The following TRAK1 variants were observed in gnomAD, a reference collection of about 807,000 sequenced individuals.
TRAK1 encodes trafficking kinesin protein 1, also known as trafficking kinesin-binding protein 1.
A neutral mutation model predicts 92.1 loss-of-function variants in TRAK1; 33 were observed. The observed-to-expected ratio is 0.36, with a 90% CI of 0.27 to 0.48. The LOEUF is 0.48. Ranked by LOEUF, TRAK1 falls within the 20% of genes least tolerant of loss-of-function variation. The pLI, the probability that TRAK1 is intolerant of heterozygous loss-of-function variation, is 0.99. For synonymous variants in TRAK1, 521 were observed against 517.3 expected (o/e 1.01, Z -0.10); for missense variants, 1,123 against 1,257.9 (o/e 0.89, Z 1.62).
chr3:42,203,608 GT>G, intron 13 of TRAK1: 1 of 977,550 alleles, frequency 1.0e-6, no homozygotes, highest in Non-Finnish European at 1.2e-6. Context: ...TACTCCTTTA[GT>G]TTGGAAAGCC....
chr3:42,109,943 G>A (rs1708105645), intron 1 of TRAK1, among the ~76,000 whole-genome samples: 1 of 151,264 alleles, frequency 6.6e-6, no homozygotes, highest in South Asian at 2.1e-4. Context: ...CACACACCGG[G>A]GCCTGTCATG....
intron 4 of TRAK1, among the ~76,000 whole-genome samples, chr3:42,185,973 CTT>C (rs1054954407): frequency 1.0e-3 from 86 of 83,962 alleles, no homozygotes; most frequent in African/African-American, 3.8e-3. Flanking sequence ...TGTGCCCAGC[CTT>C]TTTTTTTTTT....
chr3:42,142,071 G>A (rs113397734), intron 2 of TRAK1, among the ~76,000 whole-genome samples: 11,896 of 152,210 alleles, frequency 0.078, 506 homozygotes, highest in Middle Eastern at 0.15. Flanking sequence ...AGTGGAGGTT[G>A]CAGTGAGCTG....
At chr3:42,155,935 C>T (rs1413769609) in intron 2 of TRAK1, among the ~76,000 whole-genome samples, 2 of 152,262 alleles carry the variant, frequency 1.3e-5, no homozygotes, top group East Asian at 1.9e-4. Context: ...GATGTGCCTC[C>T]GCCCTGCAAG....
At chr3:42,218,973 A>G in intron 14 of TRAK1, 1 of 985,442 alleles carries the variant, frequency 1.0e-6, no homozygotes, top group Non-Finnish European at 1.2e-6. Context: ...TAGTGGAGCC[A>G]GCATCCCCAG....
intron 1 of TRAK1, among the ~76,000 whole-genome samples, chr3:42,036,963 C>CT (rs1332511948): frequency 7.2e-5 from 11 of 152,136 alleles, no homozygotes; most frequent in Middle Eastern, 3.4e-3. Flanking sequence ...TATTATTTTT[C>CT]TTTTTTTCTC....
intron 1 of TRAK1, among the ~76,000 whole-genome samples, chr3:42,039,471 C>T (rs1305391371): frequency 6.6e-6 from 1 of 152,210 alleles, no homozygotes; most frequent in Non-Finnish European, 1.5e-5. Context: ...TCAAGTGATT[C>T]TCCTGCCTCA....
intron 1 of TRAK1, among the ~76,000 whole-genome samples, chr3:42,076,331 T>A (rs1162075818): frequency 1.3e-5 from 2 of 149,794 alleles, no homozygotes; most frequent in South Asian, 2.1e-4. Flanking sequence ...GTTCATGTGA[T>A]TCTCCTGCCT....
chr3:42,185,516 G>A (rs1267525168), intron 4 of TRAK1, among the ~76,000 whole-genome samples: 1 of 152,156 alleles, frequency 6.6e-6, no homozygotes, highest in Non-Finnish European at 1.5e-5. Context: ...ACAGAGGAGA[G>A]CGGCTGTGGA....
chr3:42,075,908 T>A (rs1179689753), intron 1 of TRAK1, among the ~76,000 whole-genome samples: 1 of 152,178 alleles, frequency 6.6e-6, no homozygotes, highest in Non-Finnish European at 1.5e-5. Flanking sequence ...AGTGGCACGA[T>A]CTCGACTCAC....
At chr3:42,206,479 T>C (rs993378983) in intron 13 of TRAK1, among the ~76,000 whole-genome samples, 9 of 152,214 alleles carry the variant, frequency 5.9e-5, no homozygotes, top group African/African-American at 1.9e-4. Context: ...CCAGCCTTGG[T>C]TTCAGTCCCA....
intron 1 of TRAK1, among the ~76,000 whole-genome samples, chr3:42,103,035 G>A (rs1466485378): frequency 6.6e-6 from 1 of 152,072 alleles, no homozygotes; most frequent in Non-Finnish European, 1.5e-5. Flanking sequence ...GTATGTTCGT[G>A]GGGTTGTGCA....
At chr3:42,052,668 G>T (rs1703029371) in intron 1 of TRAK1, among the ~76,000 whole-genome samples, 1 of 152,226 alleles carries the variant, frequency 6.6e-6, no homozygotes, top group Admixed American at 6.5e-5. Flanking sequence ...GTGGATGCCA[G>T]TGATAACAGT....
intron 3 of TRAK1, among the ~76,000 whole-genome samples, chr3:42,177,962 G>T (rs1207648209): frequency 6.6e-6 from 1 of 152,110 alleles, no homozygotes; most frequent in Non-Finnish European, 1.5e-5. Flanking sequence ...TCAGCCTTTG[G>T]GTGTCACTCC....
At chr3:42,142,006 G>T (rs1329922443) in intron 2 of TRAK1, among the ~76,000 whole-genome samples, 7 of 152,106 alleles carry the variant, frequency 4.6e-5, no homozygotes, top group Admixed American at 4.6e-4. Flanking sequence ...GCATGGTGGC[G>T]CATGCCTCCC....
At chr3:42,203,706 C>A (rs1707985872) in intron 13 of TRAK1, 1 of 985,086 alleles carries the variant, frequency 1.0e-6, no homozygotes. Flanking sequence ...AGAACTTTCC[C>A]AACTTTAAAA....
At chr3:42,217,137 C>T (rs1288996943) in intron 14 of TRAK1, 5 of 351,026 alleles carry the variant, frequency 1.4e-5, no homozygotes, top group Non-Finnish European at 2.0e-5. Context: ...TCTCTTCCTG[C>T]ACCCAGGGCT....
intron 8 of TRAK1, 36 bp from the exon 9 acceptor site, chr3:42,193,786 AGT>A (rs764648996): frequency 1.1e-4 from 170 of 1,607,956 alleles, no homozygotes; most frequent in Non-Finnish European, 1.4e-4. Context: ...ACTTTTACCA[AGT>A]ATCTTAGGAA....
At position 42,196,916 on chromosome 3, in the gene TRAK1, C is replaced by T. The variant is rs536845071; in HGVS notation, c.1113+1975C>T. On this transcript the variant is annotated intron_variant, in intron 10 of 15. Coordinates refer to ENST00000327628, the MANE Select transcript of TRAK1 (RefSeq NM_001042646.3). ...GATGCTGATCTCCACTTCAAAATGA[C>T]AGCAGTAACCAGTCCTGAACTAATT... 3.5e-3 allele frequency among the ~76,000 whole-genome samples: 525 copies of T among 151,688 alleles called. 2 individuals are homozygous for T. Among genetic ancestry groups the T allele is most frequent in the Non-Finnish European group, 6.3e-3 (425 of 67,914 alleles).
Sources: gnomAD v4.1 joint callset for allele counts (sites outside exome capture counted in the v4.1 genomes callset) on GRCh38, gnomAD v4.1.1 for gene constraint, MANE v1.5 for transcripts, NCBI Gene and HGNC (gene_info 2026-07-23, HGNC 2026-07-21) for gene names.